The following MON2 variants were observed in gnomAD, a reference collection of about 807,000 sequenced individuals.
The protein encoded by MON2 is MON2 regulator of endosome-to-Golgi trafficking, also known as protein MON2 homolog.
In MON2, 84 loss-of-function variants were observed where a neutral mutation model predicts 208.6. That is an observed-to-expected ratio of 0.40 (90% CI 0.34 to 0.48). MON2 has a LOEUF of 0.48. Among genes scored for constraint, MON2 ranks in the 20% least tolerant of loss-of-function variants. The pLI, the probability that MON2 is intolerant of heterozygous loss-of-function variation, is 0.59. For missense variants in MON2, 1,611 were observed against 2,015.4 expected (o/e 0.80, Z 3.84); for synonymous variants, 660 against 694.0 (o/e 0.95, Z 0.77).
intron 5 of MON2, among the ~76,000 whole-genome samples, chr12:62,499,526 G>A (rs536349993): frequency 2.7e-4 from 41 of 152,036 alleles, no homozygotes; most frequent in Admixed American, 9.8e-4. Flanking sequence ...GGCTTCCCTC[G>A]TAAATTTTTG....
At chr12:62,519,512 T>G (rs2071890486) in intron 8 of MON2, among the ~76,000 whole-genome samples, 1 of 152,244 alleles carries the variant, frequency 6.6e-6, no homozygotes, top group Admixed American at 6.5e-5. Flanking sequence ...GAATTAAAGC[T>G]GAAATGATAC....
intron 10 of MON2, among the ~76,000 whole-genome samples, chr12:62,525,572 A>G (rs1269641916): frequency 5.5e-5 from 2 of 36,338 alleles, no homozygotes; most frequent in Non-Finnish European, 5.8e-5. Context: ...AGGGGTTAAC[A>G]TGGTCATTGG....
chr12:62,545,275 T>C (rs11174540), intron 21 of MON2, among the ~76,000 whole-genome samples: 57,868 of 151,730 alleles, frequency 0.38, 11,370 homozygotes, highest in African/African-American at 0.47. Context: ...TTCCTCTTCA[T>C]GCAGTGCTAA....
At position 62,560,866 on chromosome 12, in the gene MON2, A is replaced by G. The variant is rs2074172818; in HGVS notation, c.3785A>G (p.Asp1262Gly). ...SESTKPPITF[D>G]KLTFIPSQPF... ...AGTACTAAGCCTCCTATTACTTTTG[A>G]TAAACTAACTTTTATTCCTAGCCAG... The change falls in exon 26 of 35, where the codon GAT becomes GGT. Residue 1262 changes from aspartate to glycine, a missense_variant. Physicochemically the swap from Asp to Gly is moderately conservative, Grantham distance 94. Transcript: ENST00000393630. The G allele has an allele frequency of 6.2e-7, 1 of 1,614,070 alleles. No individual in the cohort carries two copies.
In MON2 at chr12:62,556,023, A is replaced by G; in HGVS notation, c.3240A>G (p.Arg1080=). The G allele has an allele frequency of 1.2e-6, 2 of 1,613,300 alleles. No homozygotes were observed. The highest frequency in any genetic ancestry group is 1.7e-6 in the Non-Finnish European group (2 of 1,179,576). The part of the protein sequence containing the change: ...KVLFHLLDRV[R]ESSTTADKEK... ...TCTTTCATCTACTGGACAGAGTTCG[A>G]GAGTCCTCTACCACTGCAGACAAAG... Residue 1080 remains arginine, a synonymous_variant, in exon 25 of 35, where the codon CGA becomes CGG. Coordinates refer to ENST00000393630, the MANE Select transcript of MON2 (RefSeq NM_015026.3).
At chr12:62,589,537 G>A (rs1390638708) in intron 34 of MON2, among the ~76,000 whole-genome samples, 4 of 152,052 alleles carry the variant, frequency 2.6e-5, no homozygotes, top group Non-Finnish European at 4.4e-5. Context: ...AACCCAAAGG[G>A]ATGGATGGAA....
chr12:62,550,808 C>T (rs1048098973), intron 23 of MON2, among the ~76,000 whole-genome samples: 5 of 151,380 alleles, frequency 3.3e-5, no homozygotes, highest in African/African-American at 4.8e-5. Context: ...CTGGATTAGG[C>T]GTTGGCTTAA....
At chr12:62,579,191 C>T (rs2074906293) in intron 31 of MON2, among the ~76,000 whole-genome samples, 1 of 151,500 alleles carries the variant, frequency 6.6e-6, no homozygotes, top group Non-Finnish European at 1.5e-5. Flanking sequence ...CTGCAGTGAG[C>T]TACAGCTGTA....
rs558436225 is a variant in MON2, at chr12:62,552,291, CA to C, written c.2917-589del. Among the ~76,000 whole-genome samples the C allele has an allele frequency of 9.2e-5, 14 of 152,198 alleles. No individual in the cohort carries two copies. The East Asian group carries it at 2.7e-3, about 29-fold the overall frequency. On this transcript the variant is annotated intron_variant, in intron 23 of 34. Coordinates refer to ENST00000393630, the MANE Select transcript of MON2 (RefSeq NM_015026.3). ...ATTTTTACATGGGAAAAAATGTAAG[CA>C]TGTTGCATATATGATTGCAAGTGGG...
At position 62,493,971 on chromosome 12, in the gene MON2, A is replaced by C; in HGVS notation, c.232A>C (p.Lys78Gln). 1 of 1,613,128 alleles carries C rather than the reference A, an allele frequency of 6.2e-7. No individual in the cohort carries two copies. The highest frequency in any genetic ancestry group is 1.1e-5 in the South Asian group (1 of 90,992). The stretch of plus-strand genomic sequence containing the variant: ...GCCTTTTTTAATGGGTTGTGGAACC[A>C]AGGAACCGAAGATCACTCAGCTATG... ...VQPFLMGCGTKEPKITQLCLA... is the reference protein window; with the variant it reads ...VQPFLMGCGTQEPKITQLCLA... Residue 78 changes from lysine (K) to glutamine (Q), a missense_variant, in exon 3 of 35, where the codon AAG becomes CAG. By Grantham distance (53) the Lys-to-Gln change is moderately conservative. Transcript: ENST00000393630.
intron 25 of MON2, 107 bp from the exon 26 acceptor site, chr12:62,560,384 A>T: frequency 7.2e-6 from 8 of 1,115,598 alleles, no homozygotes; most frequent in Non-Finnish European, 1.0e-5. Context: ...CCAGTTCTGT[A>T]GGATTTTAAG....
At chr12:62,543,239 C>A in intron 20 of MON2, 41 bp downstream of exon 20, 1 of 1,070,634 alleles carries the variant, frequency 9.3e-7, no homozygotes, top group Non-Finnish European at 1.3e-6. Context: ...TTTTAATAAA[C>A]ATTTGCACAC....
At chr12:62,523,969 G>C (rs989835142) in intron 8 of MON2, among the ~76,000 whole-genome samples, 1 of 152,060 alleles carries the variant, frequency 6.6e-6, no homozygotes, top group Non-Finnish European at 1.5e-5. Flanking sequence ...AGCAACAACA[G>C]TAATGATAAT....
intron 16 of MON2, among the ~76,000 whole-genome samples, 163 bp downstream of exon 16, chr12:62,537,869 AG>A (rs1288965334): frequency 2.0e-5 from 3 of 152,202 alleles, no homozygotes; most frequent in African/African-American, 7.2e-5. Flanking sequence ...CTCATATTGT[AG>A]GAAGTGGTGG....
intron 34 of MON2, among the ~76,000 whole-genome samples, chr12:62,590,591 A>G (rs1200468891): frequency 6.6e-6 from 1 of 152,204 alleles, no homozygotes; most frequent in African/African-American, 2.4e-5. Flanking sequence ...GGATCCCTCC[A>G]GAAGTTTATT....
At chr12:62,583,981 A>C (rs961361647) in intron 32 of MON2, among the ~76,000 whole-genome samples, 1 of 151,372 alleles carries the variant, frequency 6.6e-6, no homozygotes, top group African/African-American at 2.4e-5. Context: ...AAAACAAAAA[A>C]AAAAAACAGA....
chr12:62,526,925 G>A (rs1034743598), intron 11 of MON2, among the ~76,000 whole-genome samples: 1 of 152,108 alleles, frequency 6.6e-6, no homozygotes, highest in Non-Finnish European at 1.5e-5. Flanking sequence ...TCAGGAGTTC[G>A]AGACCAGTCT....
At chr12:62,471,513 G>A (rs1273881341) in intron 1 of MON2, among the ~76,000 whole-genome samples, 2 of 152,176 alleles carry the variant, frequency 1.3e-5, no homozygotes, top group Admixed American at 1.3e-4. Context: ...ATTTATGTGT[G>A]ACATCCAAGT....
Position 62,538,272 on chromosome 12 carries a change from G to T in MON2, c.2220G>T (p.Met740Ile). The T allele has an allele frequency of 6.2e-7, 1 of 1,613,554 alleles. No individual in the cohort carries two copies. Among genetic ancestry groups the T allele is most frequent in the Non-Finnish European group, 8.5e-7 (1 of 1,179,614 alleles). ...GPSTVLTTAV[M>I]TDLPVISNIL... Reference sequence around the variant, plus strand: ...CTCAGGTTCTAACAACAGCAGTGATGACAGATTTACCAGTGATTTCCAATA... The same window carrying T: ...CTCAGGTTCTAACAACAGCAGTGATTACAGATTTACCAGTGATTTCCAATA... Residue 740 changes from methionine (M) to isoleucine (I), a missense_variant, in exon 18 of 35, where the codon ATG becomes ATT. Physicochemically the swap from Met to Ile is conservative, Grantham distance 10. Coordinates refer to ENST00000393630, the MANE Select transcript of MON2 (RefSeq NM_015026.3).
Sources: allele counts gnomAD v4.1 joint callset (sites outside exome capture counted in the v4.1 genomes callset), GRCh38; gene constraint gnomAD v4.1.1; transcripts MANE v1.5; gene names NCBI Gene and HGNC (gene_info 2026-07-23, HGNC 2026-07-21).